The following EGFL6 variants were observed in gnomAD, a reference collection of about 807,000 sequenced individuals.
EGFL6 encodes the protein epidermal growth factor-like protein 6.
In EGFL6, 42 loss-of-function variants were observed where a neutral mutation model predicts 43.1. That is an observed-to-expected ratio of 0.98 (90% CI 0.76 to 1.26). The LOEUF is 1.26. Among genes scored for constraint, EGFL6 ranks in the 50% most tolerant of loss-of-function variants. The pLI is 0.00. For synonymous variants in EGFL6, 164 were observed against 163.2 expected (o/e 1.01, Z -0.04); for missense variants, 429 against 427.8 (o/e 1.00, Z -0.02).
Position 13,569,669 on chromosome X carries a change from C to A in EGFL6, c.-193C>A. The A allele has an allele frequency of 2.3e-6, 1 of 432,245 alleles. No individual in the cohort carries two copies. Among genetic ancestry groups the A allele is most frequent in the Non-Finnish European group, 4.0e-6 (1 of 252,616 alleles). The allele number at this position is 432,245 out of a possible 1,213,427, so 35.6% of individuals were successfully genotyped here. On this transcript the variant is annotated 5_prime_UTR_variant, in exon 1 of 12. Coordinates refer to ENST00000361306, the MANE Select transcript of EGFL6 (RefSeq NM_015507.4). ...CTTGCCAGGGCGCCCCCAGCCCCTC[C>A]CCAGGCCGCGAGCGCCCCTGCCGCG...
intron 1 of EGFL6, among the ~76,000 whole-genome samples, chrX:13,570,727 T>C (rs2045437226): frequency 8.9e-6 from 1 of 111,948 alleles, no homozygotes; most frequent in Non-Finnish European, 1.9e-5. Context: ...TGTAAGGTAC[T>C]ATTATCATCA....
intron 3 of EGFL6, among the ~76,000 whole-genome samples, chrX:13,597,122 C>T (rs764826220): frequency 1.8e-5 from 2 of 112,119 alleles, no homozygotes; most frequent in African/African-American, 6.5e-5. Flanking sequence ...CAGGACAGTC[C>T]CCACAACAAA....
intron 10 of EGFL6, among the ~76,000 whole-genome samples, chrX:13,625,864 T>C (rs1303203802): frequency 4.9e-4 from 42 of 85,077 alleles, no homozygotes; most frequent in African/African-American, 2.1e-3. Context: ...CCAGCCTGGG[T>C]GACAGAGTGA....
intron 3 of EGFL6, among the ~76,000 whole-genome samples, chrX:13,598,958 A>T (rs5979919): frequency 0.069 from 7,158 of 103,288 alleles, 292 homozygotes; most frequent in East Asian, 0.16. Context: ...ATATATATAT[A>T]TTTTTTTAAA....
chrX:13,603,239 A>C (rs1476517262), intron 4 of EGFL6, 78 bp from the exon 5 acceptor site: 1 of 1,062,520 alleles, frequency 9.4e-7, no homozygotes. Context: ...TCAATGGCTC[A>C]GAATTTGGTG....
rs993690611 is a variant in EGFL6, at chrX:13,589,626, T to A, written c.145T>A (p.Cys49Ser). 1 of 1,209,545 alleles carries A rather than the reference T, an allele frequency of 8.3e-7. No homozygotes were observed. Among genetic ancestry groups the A allele is most frequent in the South Asian group, 1.8e-5 (1 of 56,661 alleles). ...GVCHYGTKLA[C>S]CYGWRRNSKG... The stretch of plus-strand genomic sequence containing the variant: ...CTGTCACTATGGAACTAAACTGGCC[T>A]GCTGCTACGGCTGGAGAAGAAACAG... Residue 49 changes from cysteine (C) to serine (S), a missense_variant, in exon 2 of 12, where the codon TGC (cysteine) becomes AGC (serine). Transcript: ENST00000361306.
chrX:13,584,507 C>T (rs1050288792), intron 1 of EGFL6, among the ~76,000 whole-genome samples: 3 of 111,713 alleles, frequency 2.7e-5, no homozygotes, highest in Non-Finnish European at 5.6e-5. Context: ...GCTTCCTGGA[C>T]TCCTCACCCA....
intron 4 of EGFL6, among the ~76,000 whole-genome samples, chrX:13,601,110 G>C (rs1320168739): frequency 9.0e-6 from 1 of 111,445 alleles, no homozygotes; most frequent in East Asian, 2.8e-4. Flanking sequence ...TATATGCAGA[G>C]CCCTGTTGAG....
chrX:13,617,698 A>G (rs2045726277), intron 7 of EGFL6, 32 bp from the exon 8 acceptor site: 2 of 1,114,072 alleles, frequency 1.8e-6, no homozygotes, highest in Non-Finnish European at 2.4e-6. Flanking sequence ...TTATCTTCCA[A>G]TTTGGAACAT....
intron 1 of EGFL6, among the ~76,000 whole-genome samples, chrX:13,579,045 T>A (rs1479746315): frequency 9.0e-6 from 1 of 111,637 alleles, no homozygotes; most frequent in Admixed American, 9.5e-5. Flanking sequence ...GGGGTTTTTT[T>A]AAGACATTTT....
chrX:13,586,582 G>A (rs2045534859), intron 1 of EGFL6, among the ~76,000 whole-genome samples: 1 of 110,805 alleles, frequency 9.0e-6, no homozygotes, highest in African/African-American at 3.3e-5. Flanking sequence ...ATTCATAAAG[G>A]CTCCAACCCC....
chrX:13,584,355 T>C (rs2045523652), intron 1 of EGFL6, among the ~76,000 whole-genome samples: 1 of 111,979 alleles, frequency 8.9e-6, no homozygotes, highest in Non-Finnish European at 1.9e-5. Flanking sequence ...GGCCTCTTTC[T>C]GGACCTTCCT....
At chrX:13,614,380 G>T (rs1333477585) in intron 7 of EGFL6, among the ~76,000 whole-genome samples, 1 of 111,714 alleles carries the variant, frequency 9.0e-6, no homozygotes, top group Non-Finnish European at 1.9e-5. Flanking sequence ...TTCTTCATCT[G>T]TGATTAAGCT....
At chrX:13,600,735 T>TAAAAAAAAA in intron 4 of EGFL6, among the ~76,000 whole-genome samples, 2 of 50,455 alleles carry the variant, frequency 4.0e-5, no homozygotes, top group Non-Finnish European at 3.9e-5. Flanking sequence ...CTGTCTCTAC[T>TAAAAAAAAA]AAAAAAAAAA....
At chrX:13,598,970 C>T (rs906944953) in intron 3 of EGFL6, among the ~76,000 whole-genome samples, 1 of 102,504 alleles carries the variant, frequency 9.8e-6, no homozygotes, top group African/African-American at 3.6e-5. Flanking sequence ...TTTTTTAAAT[C>T]ATCCAGCCCA....
intron 4 of EGFL6, among the ~76,000 whole-genome samples, chrX:13,600,795 G>A (rs1282216627): frequency 9.9e-6 from 1 of 101,024 alleles, no homozygotes; most frequent in African/African-American, 3.7e-5. Context: ...TGTAATCTCA[G>A]AAAGAAAAAA....
intron 4 of EGFL6, 113 bp downstream of exon 4, chrX:13,600,207 C>T: frequency 2.8e-6 from 2 of 720,774 alleles, no homozygotes; most frequent in Admixed American, 4.0e-5. Flanking sequence ...TCTAATATTG[C>T]CCCCAGCTAA....
At chrX:13,577,298 TTATATATATATATA>T (rs1199851773) in intron 1 of EGFL6, among the ~76,000 whole-genome samples, 25 of 24,460 alleles carry the variant, frequency 1.0e-3, no homozygotes, top group Admixed American at 3.3e-3. Flanking sequence ...TATATGAATT[TTATATATATATATA>T]TATATATATA....
At chrX:13,629,759 T>TG (rs1049348277) in intron 11 of EGFL6, among the ~76,000 whole-genome samples, 4 of 111,782 alleles carry the variant, frequency 3.6e-5, no homozygotes, top group African/African-American at 6.5e-5. Flanking sequence ...CCCATTAGGC[T>TG]GGGGGGGAAA....
Sources: allele counts gnomAD v4.1 joint callset (sites outside exome capture counted in the v4.1 genomes callset), GRCh38; gene constraint gnomAD v4.1.1; transcripts MANE v1.5; gene names NCBI Gene and HGNC (gene_info 2026-07-23, HGNC 2026-07-21).